Variants in RYR3 observed in about 807,000 individuals in gnomAD.
RYR3 encodes ryanodine receptor 3.
RYR3 carries 207 observed loss-of-function variants against 584.3 expected under a neutral mutation model. The observed-to-expected ratio is 0.35, with a 90% CI of 0.32 to 0.40. The LOEUF (loss-of-function observed/expected upper bound fraction) is 0.40, where lower values mean the gene tolerates loss of function less well. RYR3 is among the 10% of genes least tolerant of loss of function. The probability of loss-of-function intolerance (pLI) is 1.00; values close to 1 mark genes in which losing one functional copy is unlikely to be tolerated. For missense variants in RYR3, 5,616 were observed against 6,089.2 expected (o/e 0.92, Z 2.59); for synonymous variants, 2,416 against 2,248.5 (o/e 1.07, Z -2.11).
intron 28 of RYR3, among the ~76,000 whole-genome samples, chr15:33,646,087 C>T (rs934747926): frequency 1.3e-5 from 2 of 152,224 alleles, no homozygotes; most frequent in African/African-American, 4.8e-5. Context: ...CCCCCTCTGG[C>T]ATTTATTCTC....
At chr15:33,775,370 A>T (rs959048709) in intron 64 of RYR3, among the ~76,000 whole-genome samples, 1 of 151,946 alleles carries the variant, frequency 6.6e-6, no homozygotes, top group Non-Finnish European at 1.5e-5. Flanking sequence ...TTTAAAATGG[A>T]GGAGAATGAA....
intron 85 of RYR3, 90 bp downstream of exon 85, chr15:33,827,377 A>G: frequency 8.4e-7 from 1 of 1,191,264 alleles, no homozygotes; most frequent in South Asian, 1.3e-5. Flanking sequence ...AGCCCAGGAT[A>G]CAGTCAAGCC....
At position 33,810,920 on chromosome 15, in the gene RYR3, G is replaced by A. The variant is rs372438331; in HGVS notation, c.10198-58G>A. Reference sequence around the variant, plus strand: ...GTTGACTCTCCATACATCCCCATATGCTACTTGACAGTTCCATGGTGATCT... The same window carrying A: ...GTTGACTCTCCATACATCCCCATATACTACTTGACAGTTCCATGGTGATCT... On this transcript the variant is annotated intron_variant, in intron 71 of 103. Coordinates refer to ENST00000634891, the MANE Select transcript of RYR3 (RefSeq NM_001036.6). 6.3e-6 allele frequency: 9 copies of A among 1,424,940 alleles called. No homozygotes were observed. In the African/African-American group the frequency reaches 1.3e-4, roughly 20 times the overall value. 88.3% of individuals were successfully genotyped at this position (1,424,940 alleles called of 1,614,324 possible). A position where few individuals can be genotyped will look rare whatever the true frequency, so the allele number is the denominator to read the frequency against.
intron 103 of RYR3, 97 bp from the exon 104 acceptor site, chr15:33,865,034 C>G: frequency 1.2e-6 from 1 of 816,714 alleles, no homozygotes; most frequent in South Asian, 1.6e-5. Flanking sequence ...AAATTCACAT[C>G]AGTCTTCCTA....
rs1317184328 is a variant in RYR3, at chr15:33,581,636, A to G, written c.1566A>G (p.Lys522=). 2.5e-6 allele frequency: 4 copies of G among 1,613,526 alleles called. No individual in the cohort carries two copies. The highest frequency in any genetic ancestry group is 3.4e-6 in the Non-Finnish European group (4 of 1,179,604). ...AAGAAATTCTGAACCTCCTCTACAA[A>G]TTGCTGGGTAAGTACACATACAGTG... ...AWKEILNLLY[K]LLAALIRGNR... Residue 522 remains lysine (K), a synonymous_variant, in exon 14 of 104, where the codon AAA becomes AAG. Transcript: ENST00000634891.
chr15:33,633,048 T>C lies in RYR3; in HGVS notation c.2967T>C (p.Asn989=). The C allele has an allele frequency of 6.2e-7, 1 of 1,613,970 alleles. No homozygotes were observed. Among genetic ancestry groups the C allele is most frequent in the Non-Finnish European group, 8.5e-7 (1 of 1,179,878 alleles). ...QEILVDKLAE[N]AHNVWAKDRI... ...TTTTAGTGGATAAGCTTGCAGAAAA[T>C]GCACACAATGTTTGGGCAAAAGACA... The change falls in exon 24 of 104, where the codon AAT becomes AAC. Residue 989 remains asparagine (N), a synonymous_variant. Transcript: ENST00000634891.
chr15:33,827,368 G>A, intron 85 of RYR3, 81 bp downstream of exon 85: 1 of 1,291,146 alleles, frequency 7.7e-7, no homozygotes. Context: ...GTCAGGGACA[G>A]CCCAGGATAC....
At chr15:33,616,743 T>C (rs904180650) in intron 19 of RYR3, among the ~76,000 whole-genome samples, 14 of 152,316 alleles carry the variant, frequency 9.2e-5, no homozygotes, top group African/African-American at 3.1e-4. Context: ...TCAAGCTTCC[T>C]GTCTCTCAGG....
chr15:33,437,117 AGTGTGTGTGTGTGTGTGTGTGTGTGT>A (rs71415518), intron 1 of RYR3, among the ~76,000 whole-genome samples: 2 of 149,572 alleles, frequency 1.3e-5, no homozygotes, highest in Non-Finnish European at 3.0e-5. Flanking sequence ...AGAGAGATAG[AGTGTGTGTGTGTGTGTGTGTGTGTGT>A]GTGTGTGTGT....
intron 102 of RYR3, among the ~76,000 whole-genome samples, chr15:33,861,420 C>T (rs1888159833): frequency 6.6e-6 from 1 of 152,048 alleles, no homozygotes; most frequent in Admixed American, 6.5e-5. Context: ...CCATCCGGGA[C>T]ACATACCTCC....
chr15:33,355,818 A>T (rs1973893844), intron 1 of RYR3, among the ~76,000 whole-genome samples: 1 of 152,192 alleles, frequency 6.6e-6, no homozygotes, highest in Admixed American at 6.5e-5. Context: ...ATGAGAACTT[A>T]GTATCTGTCT....
intron 66 of RYR3, among the ~76,000 whole-genome samples, chr15:33,787,084 A>C (rs1422291638): frequency 6.6e-6 from 1 of 152,236 alleles, no homozygotes; most frequent in Non-Finnish European, 1.5e-5. Flanking sequence ...GCAGAGGGAA[A>C]GTGTCACAAC....
chr15:33,409,559 CAG>C (rs1329551342), intron 1 of RYR3, among the ~76,000 whole-genome samples: 1 of 152,140 alleles, frequency 6.6e-6, no homozygotes, highest in Non-Finnish European at 1.5e-5. Flanking sequence ...GGAAGTGGGA[CAG>C]TGGTTGGGCC....
chr15:33,828,870 G>T (rs2077512591), intron 85 of RYR3, among the ~76,000 whole-genome samples: 1 of 152,240 alleles, frequency 6.6e-6, no homozygotes. Flanking sequence ...CCACGTACAT[G>T]AAACAGCCTT....
chr15:33,667,578 T>G (rs2063554941), intron 36 of RYR3, among the ~76,000 whole-genome samples: 1 of 152,210 alleles, frequency 6.6e-6, no homozygotes, highest in Non-Finnish European at 1.5e-5. Flanking sequence ...TTTTCTCTAA[T>G]GAGTTAATAA....
chr15:33,769,999 C>T (rs991960486), intron 62 of RYR3, among the ~76,000 whole-genome samples: 1 of 151,888 alleles, frequency 6.6e-6, no homozygotes, highest in East Asian at 1.9e-4. Flanking sequence ...TGACAGGGAC[C>T]TTTCTTTAAC....
At chr15:33,555,298 C>T (rs964680891) in intron 10 of RYR3, among the ~76,000 whole-genome samples, 1 of 152,158 alleles carries the variant, frequency 6.6e-6, no homozygotes, top group Non-Finnish European at 1.5e-5. Flanking sequence ...TGCCAGTCCC[C>T]TTGCTTGCTC....
At chr15:33,730,058 C>A (rs940728560) in intron 47 of RYR3, among the ~76,000 whole-genome samples, 1 of 150,926 alleles carries the variant, frequency 6.6e-6, no homozygotes. Context: ...CCAGTCTAAC[C>A]CAATGTTTTG....
At chr15:33,554,479 G>C (rs537103709) in intron 10 of RYR3, among the ~76,000 whole-genome samples, 2 of 151,962 alleles carry the variant, frequency 1.3e-5, no homozygotes, top group Non-Finnish European at 2.9e-5. Flanking sequence ...TGTATTTTTA[G>C]TAGAGACGGG....
Sources: gnomAD v4.1 joint callset for allele counts (sites outside exome capture counted in the v4.1 genomes callset) on GRCh38, gnomAD v4.1.1 for gene constraint, MANE v1.5 for transcripts, NCBI Gene and HGNC (gene_info 2026-07-23, HGNC 2026-07-21) for gene names.